Variants in MBNL2 observed in about 807,000 individuals in gnomAD.
MBNL2 encodes muscleblind like splicing regulator 2, also known as muscleblind-like protein 2.
In MBNL2, 17 loss-of-function variants were observed where a neutral mutation model predicts 41.9. The observed-to-expected ratio is 0.41, with a 90% CI of 0.28 to 0.61. The LOEUF (loss-of-function observed/expected upper bound fraction) is 0.61. Among genes scored for constraint, MBNL2 ranks in the 20% least tolerant of loss-of-function variants. The pLI, the probability that MBNL2 is intolerant of heterozygous loss-of-function variation, is 0.35. For missense variants in MBNL2, 336 were observed against 505.6 expected, an observed-to-expected ratio of 0.66 and a Z score of 3.22; for synonymous variants, 195 against 182.9, an observed-to-expected ratio of 1.07 and a Z score of -0.53.
At chr13:97,270,083 T>C (rs2050646044) in intron 1 of MBNL2, among the ~76,000 whole-genome samples, 1 of 152,204 alleles carries the variant, frequency 6.6e-6, no homozygotes, top group Admixed American at 6.5e-5. Flanking sequence ...CAAGGTTATG[T>C]GACGAGATAC....
chr13:97,287,975 T>G (rs1049074371), intron 2 of MBNL2, among the ~76,000 whole-genome samples: 1 of 147,610 alleles, frequency 6.8e-6, no homozygotes, highest in Admixed American at 6.9e-5. Flanking sequence ...GGTTTCACGA[T>G]GTTGGCCAGG....
intron 8 of MBNL2, among the ~76,000 whole-genome samples, chr13:97,386,287 A>G (rs2065917709): frequency 6.6e-6 from 1 of 152,250 alleles, no homozygotes; most frequent in East Asian, 1.9e-4. Flanking sequence ...CCTTCAAGAA[A>G]GTAAAGCTGA....
chr13:97,390,418 C>T (rs1289362377), intron 8 of MBNL2, among the ~76,000 whole-genome samples: 1 of 152,166 alleles, frequency 6.6e-6, no homozygotes, highest in African/African-American at 2.4e-5. Flanking sequence ...ACAAATTTTA[C>T]CAGTTATTTC....
At chr13:97,145,957 C>CTCTTTTCTTTTCTTTTCTTT in the MBNL2 span, among the ~76,000 whole-genome samples, 630 of 144,018 alleles carry the variant, frequency 4.4e-3, 4 homozygotes, top group African/African-American at 0.011. Flanking sequence ...CAGGGTTCTA[C>CTCTTTTCTTTTCTTTTCTTT]TCTTTTCTTT....
the MBNL2 span, chr13:97,179,232 T>C: frequency 6.6e-6 from 1 of 152,232 alleles, no homozygotes; most frequent in Non-Finnish European, 1.5e-5. Flanking sequence ...CACTTAGTTA[T>C]TCACCTGCCA....
At chr13:97,164,104 T>C in the MBNL2 span, among the ~76,000 whole-genome samples, 2 of 152,230 alleles carry the variant, frequency 1.3e-5, no homozygotes, top group African/African-American at 4.8e-5. Context: ...CCTCCTGGGC[T>C]CAGGTGATCC....
At chr13:97,157,676 T>C in the MBNL2 span, among the ~76,000 whole-genome samples, 4 of 150,438 alleles carry the variant, frequency 2.7e-5, no homozygotes, top group Non-Finnish European at 5.9e-5. Flanking sequence ...TCTTTGGCTC[T>C]GTTTATATGC....
At chr13:97,382,939 C>T (rs977309336) in intron 8 of MBNL2, among the ~76,000 whole-genome samples, 12 of 152,044 alleles carry the variant, frequency 7.9e-5, no homozygotes, top group Non-Finnish European at 1.6e-4. Context: ...GAAACACAGT[C>T]GCATAACTCC....
the MBNL2 span, among the ~76,000 whole-genome samples, chr13:97,185,434 A>G: frequency 6.6e-6 from 1 of 152,218 alleles, no homozygotes; most frequent in Non-Finnish European, 1.5e-5. Flanking sequence ...AGAATATGTT[A>G]CCTTACATGG....
At chr13:97,148,053 C>A in the MBNL2 span, among the ~76,000 whole-genome samples, 1 of 152,080 alleles carries the variant, frequency 6.6e-6, no homozygotes, top group Non-Finnish European at 1.5e-5. Flanking sequence ...GAAGAGGAGT[C>A]GGCATGGTTA....
intron 5 of MBNL2, among the ~76,000 whole-genome samples, chr13:97,353,971 TGCCTATCATGTCTGATGTAG>T (rs2062746771): frequency 6.6e-6 from 1 of 151,294 alleles, no homozygotes; most frequent in African/African-American, 2.4e-5. Flanking sequence ...ATCTGGTCTT[TGCCTATCATGTCTGATGTAG>T]GCACTTGGTT....
In MBNL2 at chr13:97,262,451, C is replaced by T. The variant is rs184769846; in HGVS notation, c.-604-13181C>T. Among the ~76,000 whole-genome samples the T allele has an allele frequency of 1.2e-3, 179 of 152,286 alleles. No individual in the cohort carries two copies. In the Middle Eastern group the frequency reaches 0.017, roughly 14 times the overall value. ...TTGCATTATTGGAAGGATCTTTTGT[C>T]GCTTTCTTTTTCTGTGGTTTGCCTT... On this transcript the variant is annotated intron_variant, in intron 1 of 8. Coordinates refer to ENST00000679496, the MANE Select transcript of MBNL2 (RefSeq NM_001382683.1).
chr13:97,217,076 T>C (rs1185365909), upstream of MBNL2, among the ~76,000 whole-genome samples: 1 of 148,440 alleles, frequency 6.7e-6, no homozygotes, highest in Admixed American at 6.8e-5. Context: ...CACATATGTG[T>C]TGTATATAAT....
At chr13:97,287,721 C>CTTTTTTTTTTTTTTTTT (rs768809008) in intron 2 of MBNL2, among the ~76,000 whole-genome samples, 4 of 114,938 alleles carry the variant, frequency 3.5e-5, no homozygotes, top group African/African-American at 1.4e-4. Flanking sequence ...CTTTTCTTTT[C>CTTTTTTTTTTTTTTTTT]TTTTTTTTTT....
intron 1 of MBNL2, among the ~76,000 whole-genome samples, chr13:97,246,092 T>C (rs533193372): frequency 6.6e-6 from 1 of 152,348 alleles, no homozygotes; most frequent in Admixed American, 6.5e-5. Context: ...ATTGTGGAAC[T>C]TAAATTGGAA....
At chr13:97,275,323 A>G (rs1166918840) in intron 1 of MBNL2, among the ~76,000 whole-genome samples, 1 of 152,230 alleles carries the variant, frequency 6.6e-6, no homozygotes, top group Admixed American at 6.5e-5. Flanking sequence ...TGGAAGCCAC[A>G]GTCCTAATAC....
chr13:97,240,815 T>C (rs2044116420), intron 1 of MBNL2, among the ~76,000 whole-genome samples: 1 of 152,170 alleles, frequency 6.6e-6, no homozygotes, highest in Admixed American at 6.5e-5. Flanking sequence ...TTTCATGTAG[T>C]GCATGTGTGA....
the MBNL2 span, among the ~76,000 whole-genome samples, chr13:97,190,748 G>A: frequency 2.6e-5 from 4 of 152,148 alleles, no homozygotes; most frequent in Non-Finnish European, 5.9e-5. Flanking sequence ...GATGACTCCG[G>A]TCATGGTGAC....
intron 4 of MBNL2, among the ~76,000 whole-genome samples, chr13:97,345,848 T>C (rs2061795940): frequency 6.7e-6 from 1 of 148,514 alleles, no homozygotes; most frequent in African/African-American, 2.5e-5. Context: ...GGTAGCTTGA[T>C]ATAGGTGAAA....
Sources: gnomAD v4.1 joint callset for allele counts (sites outside exome capture counted in the v4.1 genomes callset) on GRCh38, gnomAD v4.1.1 for gene constraint, MANE v1.5 for transcripts, NCBI Gene and HGNC (gene_info 2026-07-23, HGNC 2026-07-21) for gene names.